The following OBSL1 variants were observed in gnomAD, a reference collection of about 807,000 sequenced individuals.
OBSL1 encodes the protein obscurin-like protein 1.
In OBSL1, 160 loss-of-function variants were observed where a neutral mutation model predicts 172.0. The observed-to-expected ratio is 0.93, with a 90% CI of 0.82 to 1.06. OBSL1 has a LOEUF of 1.06. Among genes scored for constraint, OBSL1 ranks in the 50% least tolerant of loss-of-function variants. OBSL1 has a pLI of 0.00. For synonymous variants in OBSL1, 1,200 were observed against 1,196.3 expected, an observed-to-expected ratio of 1.00 and a Z score of -0.06; for missense variants, 2,681 against 2,715.4, an observed-to-expected ratio of 0.99 and a Z score of 0.28.
chr2:219,561,246 T>A (rs1696443198), intron 8 of OBSL1, among the ~76,000 whole-genome samples: 1 of 151,902 alleles, frequency 6.6e-6, no homozygotes, highest in Non-Finnish European at 1.5e-5. Flanking sequence ...GGATGGGGGC[T>A]CCAGTGCAGC....
Position 219,568,085 on chromosome 2 carries a change from C to A in OBSL1, c.1252G>T (p.Val418Leu), listed in dbSNP as rs201545754. 6.2e-7 allele frequency: 1 copy of A among 1,612,318 alleles called. No individual in the cohort carries two copies. The highest frequency in any genetic ancestry group is 8.5e-7 in the Non-Finnish European group (1 of 1,178,704). ...ACTGTGACGTTGGCCACGGTGCGCA[C>A]CCGGCCCCGCATCTCGCACAGGTAG... ...GIYLCEMRGRVRTVANVTVKG... is the reference protein window; with the variant it reads ...GIYLCEMRGRLRTVANVTVKG... The change falls in exon 2 of 21, where the codon GTG becomes TTG. Residue 418 changes from valine (V) to leucine (L), a missense_variant. Around this residue, in one of 5 missense-constraint regions of OBSL1, gnomAD observed 706 missense variants for 695.8 expected, o/e 1.01. Transcript: ENST00000404537. This position sits in a 1 kb window ranked among gnomAD's most constrained non-coding sequence, Gnocchi z 4.1.
rs201312475 is a variant in OBSL1 at position 219,563,434 on chromosome 2, G to A, written c.2601C>T (p.Pro867=). ...CGCCCCCGTCTGAGGGCTGGGTGGCGGGCAGCACCAGGCGGCGATGGGGCC... is the reference window on the plus strand; with the variant it reads ...CGCCCCCGTCTGAGGGCTGGGTGGCAGGCAGCACCAGGCGGCGATGGGGCC... ...NEGPHRRLVL[P]ATQPSDGGEF... The change falls in exon 7 of 21, where the codon CCC becomes CCT. Residue 867 remains proline (P), a synonymous_variant. Transcript: ENST00000404537. The A allele has an allele frequency of 1.2e-5, 20 of 1,613,536 alleles. No individual in the cohort carries two copies. The highest frequency in any genetic ancestry group is 1.7e-4 in the Middle Eastern group (1 of 6,056).
intron 20 of OBSL1, 182 bp downstream of exon 20, chr2:219,551,347 G>A: frequency 7.1e-7 from 1 of 1,406,476 alleles, no homozygotes; most frequent in Non-Finnish European, 9.3e-7. Flanking sequence ...TCTGAGCCAA[G>A]CAGTTCCAGG....
In OBSL1 at chr2:219,556,599, G is replaced by C. The variant is rs747358446; in HGVS notation, c.4191C>G (p.Ala1397=). Reference sequence around the variant, plus strand: ...CCACCTGGGGCCCTGGAGTGACGACGGCCCCATTGCGCAGCCAGGTGACAT... The same window carrying C: ...CCACCTGGGGCCCTGGAGTGACGACCGCCCCATTGCGCAGCCAGGTGACAT... ...DADVTWLRNG[A]VVTPGPQVEM... is the part of the protein sequence containing the mutation. The change falls in exon 13 of 21, where the codon GCC becomes GCG. Residue 1397 remains alanine (A), a synonymous_variant. Coordinates refer to ENST00000404537, the MANE Select transcript of OBSL1 (RefSeq NM_015311.3). 2 of 1,613,940 alleles carry C rather than the reference G, an allele frequency of 1.2e-6. No individual in the cohort carries two copies. Among genetic ancestry groups the C allele is most frequent in the Non-Finnish European group, 1.7e-6 (2 of 1,179,878 alleles).
chr2:219,553,142 G>T, intron 16 of OBSL1, 118 bp from the exon 17 acceptor site: 2 of 1,310,826 alleles, frequency 1.5e-6, no homozygotes, highest in Non-Finnish European at 2.0e-6. Flanking sequence ...GTTTATGCGT[G>T]TCTCGTGTTC....
At chr2:219,552,078 T>C in intron 19 of OBSL1, 34 bp downstream of exon 19, 1 of 1,532,256 alleles carries the variant, frequency 6.5e-7, no homozygotes, top group Non-Finnish European at 8.9e-7. Flanking sequence ...AGACAGGATG[T>C]ACACTCTCTG....
rs755333275 is a variant in OBSL1 at position 219,551,701 on chromosome 2, G to GC, written c.5510dup (p.His1838ProfsTer16). 6 of 1,610,688 alleles carry GC rather than the reference G, an allele frequency of 3.7e-6. No individual in the cohort carries two copies. The Admixed American group carries it at 5.0e-5, about 13-fold the overall frequency. ...CCCCCTCCCGCAGCCAGCACACGTG[G>GC]CCCCCCGAGCGGGACACAGTCACCT... On this transcript the variant is annotated frameshift_variant, in exon 20 of 21. Coordinates refer to ENST00000404537, the MANE Select transcript of OBSL1 (RefSeq NM_015311.3). LOFTEE classifies it high-confidence loss of function.
rs770485571 is a variant in OBSL1, at chr2:219,559,511, A to G, written c.2954-14T>C. On this transcript the variant is annotated splice_polypyrimidine_tract_variant and intron_variant, in intron 8 of 20. Coordinates refer to ENST00000404537, the MANE Select transcript of OBSL1 (RefSeq NM_015311.3). ...GCACTGGGGGTTCTGCAGGGTGGGG[A>G]CAACCACAGCCTGTCACAAGCTCAC... 5 of 1,601,592 alleles carry G rather than the reference A, an allele frequency of 3.1e-6. No individual in the cohort carries two copies. The highest frequency in any genetic ancestry group is 2.2e-5 in the East Asian group (1 of 44,616).
At chr2:219,550,119 CTGTG>C (rs1264663639), downstream of OBSL1, 4 of 448,280 alleles carry the variant, frequency 8.9e-6, no homozygotes, top group East Asian at 3.6e-5. Context: ...GCCCGTGTGT[CTGTG>C]TGTATGTGTG....
At position 219,565,314 on chromosome 2, in the gene OBSL1, T is replaced by C. The variant is rs1168146436; in HGVS notation, c.2335A>G (p.Lys779Glu). 2.5e-6 allele frequency: 4 copies of C among 1,613,952 alleles called. No individual in the cohort carries two copies. The highest frequency in any genetic ancestry group is 1.7e-5 in the Admixed American group (1 of 60,014). ...RKHRLILPEA[K>E]VQDSGEFECR... is the part of the protein sequence containing the mutation. The stretch of plus-strand genomic sequence containing the variant: ...TCAAACTCGCCACTGTCCTGGACTT[T>C]GGCCTCAGGCAGGATCAGACGGTGT... Residue 779 changes from lysine (K) to glutamate (E), a missense_variant, in exon 6 of 21, where the codon AAA becomes GAA. This residue lies in a region of OBSL1 where 1,765 missense variants were observed against 1,748.3 expected (regional missense o/e 1.01). Transcript: ENST00000404537.
In OBSL1 at chr2:219,551,612, ATGACCAGGC is replaced by A; in HGVS notation, c.5591_5599del (p.Ser1864_Val1866del). 6.2e-7 allele frequency: 1 copy of A among 1,611,536 alleles called. No homozygotes were observed. Among genetic ancestry groups the A allele is most frequent in the Non-Finnish European group, 8.5e-7 (1 of 1,178,998 alleles). The stretch of plus-strand genomic sequence containing the variant: ...TTGGTCCTCAGGTCGAACGTCATGG[ATGACCAGGC>A]TGTGGGTGGGGCCGTGGCTGCGCAT... On this transcript the variant is annotated inframe_deletion, in exon 20 of 21. Coordinates refer to ENST00000404537, the MANE Select transcript of OBSL1 (RefSeq NM_015311.3).
Position 219,558,228 on chromosome 2 carries a change from C to G in OBSL1, c.3458G>C (p.Cys1153Ser), listed in dbSNP as rs767356295. 1 of 1,610,592 alleles carries G rather than the reference C, an allele frequency of 6.2e-7. No homozygotes were observed. The highest frequency in any genetic ancestry group is 8.5e-7 in the Non-Finnish European group (1 of 1,177,750). ...AQPEDAGEYV[C>S]ETRHEAITFN... is the part of the protein sequence containing the mutation. ...GGTGATGGCCTCATGCCGGGTCTCA[C>G]ACACATACTCCCCGGCGTCCTCAGG... Residue 1153 changes from cysteine to serine, a missense_variant, in exon 10 of 21, where the codon TGT becomes TCT. Coordinates refer to ENST00000404537, the MANE Select transcript of OBSL1 (RefSeq NM_015311.3).
chr2:219,558,397 C>T lies in OBSL1; in HGVS notation c.3289G>A (p.Gly1097Arg). ...ACCTCACAGCGCAGCTCCACGCGCC[C>T]TGGAGCCCCAAAATGCAGATCCAGG... Reference protein sequence around the residue: ...RSLDLHFGAPGRVELRCEVAP... With the variant: ...RSLDLHFGAPRRVELRCEVAP... The change falls in exon 10 of 21, where the codon GGG becomes AGG. Residue 1097 changes from glycine (G) to arginine (R), a missense_variant. By Grantham distance (125) the Gly-to-Arg change is moderately radical. Coordinates refer to ENST00000404537, the MANE Select transcript of OBSL1 (RefSeq NM_015311.3). 6.2e-7 allele frequency: 1 copy of T among 1,606,384 alleles called. No homozygotes were observed.
chr2:219,554,689 C>G lies in OBSL1; in HGVS notation c.4661G>C (p.Gly1554Ala). 6.3e-7 allele frequency: 1 copy of G among 1,588,828 alleles called. No individual in the cohort carries two copies. Among genetic ancestry groups the G allele is most frequent in the Non-Finnish European group, 8.6e-7 (1 of 1,167,528 alleles). Residue 1554 changes from glycine (G) to alanine (A), a missense_variant, in exon 15 of 21, where the codon GGG becomes GCG. Around this residue, in one of 5 missense-constraint regions of OBSL1, gnomAD observed 1,765 missense variants for 1,748.3 expected, o/e 1.01. Transcript: ENST00000404537. ...RPLEDVTISEGGSATFQLELS... is the reference protein window; with the variant it reads ...RPLEDVTISEAGSATFQLELS... ...CTCCAGCTGGAAGGTGGCACTGCCC[C>G]CCTCACTGATGGTCACGTCCTCCAG...
rs1697113148 is a variant in OBSL1 at position 219,568,665 on chromosome 2, A to C, written c.1013-341T>G. Among the ~76,000 whole-genome samples the C allele has an allele frequency of 6.6e-6, 1 of 152,056 alleles. No homozygotes were observed. ...GGGTCCTCCAGGCCCTAGATTGGTG[A>C]TTTCCAAACTGTTCCCTGGCTCCCC... is the stretch of plus-strand genomic sequence containing the variant. On this transcript the variant is annotated intron_variant, in intron 1 of 20. Coordinates refer to ENST00000404537, the MANE Select transcript of OBSL1 (RefSeq NM_015311.3). This position sits in a 1 kb window ranked among gnomAD's most constrained non-coding sequence, Gnocchi z 4.1.
At position 219,570,634 on chromosome 2, in the gene OBSL1, C is replaced by T; in HGVS notation, c.599G>A (p.Arg200Gln). ...CACGTAGACGCCGGAATCCGGCAGC[C>T]GAGCCGCCAGGATGCGCAGTGCCAG... Reference protein sequence around the residue: ...ASLALRILAARLPDSGVYVCH... With the variant: ...ASLALRILAAQLPDSGVYVCH... Residue 200 changes from arginine (R) to glutamine (Q), a missense_variant, in exon 1 of 21, where the codon CGG becomes CAG. Around this residue, in one of 5 missense-constraint regions of OBSL1, gnomAD observed 706 missense variants for 695.8 expected, o/e 1.01. Coordinates refer to ENST00000404537, the MANE Select transcript of OBSL1 (RefSeq NM_015311.3). 2 of 1,509,308 alleles carry T rather than the reference C, an allele frequency of 1.3e-6. No individual in the cohort carries two copies. The highest frequency in any genetic ancestry group is 8.8e-7 in the Non-Finnish European group (1 of 1,134,386). 93.5% of individuals were successfully genotyped at this position (1,509,308 alleles called of 1,614,324 possible). A position where few individuals can be genotyped will look rare whatever the true frequency, so the allele number is the denominator to read the frequency against.
At chr2:219,552,507 G>T (rs1373163499) in intron 18 of OBSL1, 29 bp downstream of exon 18, 35 of 1,580,294 alleles carry the variant, frequency 2.2e-5, no homozygotes, top group Non-Finnish European at 2.9e-5. Flanking sequence ...GGCAGCGAGG[G>T]GCCCGAAAGG....
chr2:219,550,900 C>G, intron 20 of OBSL1, 58 bp from the exon 21 acceptor site: 1 of 1,591,788 alleles, frequency 6.3e-7, no homozygotes, highest in African/African-American at 1.3e-5. Flanking sequence ...ACCTTCCTCT[C>G]CCCTGGCAGA....
chr2:219,557,271 A>ATCTC, intron 12 of OBSL1, 72 bp downstream of exon 12: 1 of 1,388,414 alleles, frequency 7.2e-7, no homozygotes, highest in Non-Finnish European at 9.5e-7. Flanking sequence ...TGGAGGAGTA[A>ATCTC]GGGGGCCCTA....
Sources: allele counts gnomAD v4.1 joint callset (sites outside exome capture counted in the v4.1 genomes callset), GRCh38; gene constraint gnomAD v4.1.1; regional missense constraint gnomAD v4.1.1; non-coding constraint Gnocchi (gnomAD v3.1); transcripts MANE v1.5; gene names NCBI Gene and HGNC (gene_info 2026-07-23, HGNC 2026-07-21).